TRPM3: variants seen among roughly 807,000 people sequenced by gnomAD.
TRPM3 encodes the protein long transient receptor potential channel 3.
TRPM3 carries 77 observed loss-of-function variants against 181.2 expected under a neutral mutation model. The observed-to-expected ratio is 0.42, with a 90% CI of 0.35 to 0.51. The LOEUF (loss-of-function observed/expected upper bound fraction) is 0.51, where lower values mean the gene tolerates loss of function less well. TRPM3 is among the 20% of genes least tolerant of loss of function. TRPM3 has a pLI of 0.01. For missense variants in TRPM3, 1,759 were observed against 2,196.7 expected (o/e 0.80, Z 3.98); for synonymous variants, 745 against 796.4 (o/e 0.94, Z 1.09).
chr9:71,259,797 C>T (rs538007264), intron 1 of TRPM3, among the ~76,000 whole-genome samples: 2 of 151,882 alleles, frequency 1.3e-5, no homozygotes, highest in Admixed American at 1.3e-4. Flanking sequence ...TAGCCCTTTG[C>T]CAGAAGGTTT....
At chr9:71,184,278 C>T (rs564405435) in intron 1 of TRPM3, among the ~76,000 whole-genome samples, 93 of 152,074 alleles carry the variant, frequency 6.1e-4, no homozygotes, top group Admixed American at 6.6e-4. Flanking sequence ...TGTCAGGGTC[C>T]AGCATGGGGG....
chr9:70,939,056 C>T (rs2096859319), intron 1 of TRPM3, among the ~76,000 whole-genome samples: 1 of 152,048 alleles, frequency 6.6e-6, no homozygotes, highest in African/African-American at 2.4e-5. Context: ...CAAGGGATAC[C>T]TTGCTAAATA....
intron 3 of TRPM3, among the ~76,000 whole-genome samples, chr9:70,858,235 C>A (rs75783588): frequency 0.066 from 9,992 of 152,180 alleles, 440 homozygotes; most frequent in Middle Eastern, 0.13. Context: ...TTGTTAGAGG[C>A]AGGGGACCCA....
chr9:71,321,535 A>G (rs1335436558), intron 1 of TRPM3, among the ~76,000 whole-genome samples: 2 of 152,186 alleles, frequency 1.3e-5, no homozygotes, highest in African/African-American at 4.8e-5. Context: ...GAGACTTCCT[A>G]GTCCTAGAAT....
intron 1 of TRPM3, among the ~76,000 whole-genome samples, chr9:71,296,777 C>T (rs1183893027): frequency 1.3e-5 from 2 of 152,138 alleles, no homozygotes; most frequent in East Asian, 3.9e-4. Flanking sequence ...GGGGTTCACA[C>T]TGAGATGGTA....
chr9:70,916,796 A>C (rs1156455061), intron 1 of TRPM3, among the ~76,000 whole-genome samples: 1 of 152,252 alleles, frequency 6.6e-6, no homozygotes, highest in African/African-American at 2.4e-5. Flanking sequence ...GCTCAGCAAG[A>C]ATATAGAAAA....
At chr9:70,829,201 G>A (rs1170833464) in intron 5 of TRPM3, among the ~76,000 whole-genome samples, 2 of 152,096 alleles carry the variant, frequency 1.3e-5, no homozygotes, top group East Asian at 3.9e-4. Context: ...TTTTCAGTAT[G>A]TAATAACACA....
Position 70,692,075 on chromosome 9 carries a change from T to C in TRPM3, c.1273-10497A>G, listed in dbSNP as rs374159776. On this transcript the variant is annotated intron_variant, in intron 8 of 25. Transcript: ENST00000677713. ...GACACGCTTGCGGGGCTTTCTTTTT[T>C]CCCCCCTGCCATAGGCAGAGTTTGT... Among the ~76,000 whole-genome samples, 29 of 152,218 alleles carry C rather than the reference T, an allele frequency of 1.9e-4. No individual in the cohort carries two copies. The East Asian group carries it at 4.4e-3, about 23-fold the overall frequency.
At chr9:71,381,569 G>C (rs2092801117) in intron 1 of TRPM3, among the ~76,000 whole-genome samples, 1 of 152,120 alleles carries the variant, frequency 6.6e-6, no homozygotes, top group Non-Finnish European at 1.5e-5. Context: ...ATTATTTCTA[G>C]CTACCATGTG....
At chr9:71,036,170 T>C (rs2058180112) in intron 1 of TRPM3, among the ~76,000 whole-genome samples, 2 of 152,262 alleles carry the variant, frequency 1.3e-5, no homozygotes, top group Non-Finnish European at 2.9e-5. Flanking sequence ...AGTATGGGCA[T>C]TAATTTATTA....
intron 1 of TRPM3, among the ~76,000 whole-genome samples, chr9:71,236,177 G>A (rs2081340257): frequency 6.6e-6 from 1 of 152,126 alleles, no homozygotes; most frequent in Admixed American, 6.5e-5. Context: ...GTGTGTTGTG[G>A]AAATGCCTTT....
chr9:71,214,137 G>A (rs1032505184), intron 1 of TRPM3, among the ~76,000 whole-genome samples: 1 of 152,048 alleles, frequency 6.6e-6, no homozygotes, highest in African/African-American at 2.4e-5. Context: ...GGAGAAAAAT[G>A]CCTCCAACTC....
intron 1 of TRPM3, among the ~76,000 whole-genome samples, chr9:71,044,471 A>G (rs983275003): frequency 2.6e-5 from 4 of 152,214 alleles, no homozygotes; most frequent in African/African-American, 9.6e-5. Context: ...TTCAGCTTCC[A>G]GTCGTCTTTC....
chr9:71,269,709 G>A (rs1340263682), intron 1 of TRPM3, among the ~76,000 whole-genome samples: 1 of 152,198 alleles, frequency 6.6e-6, no homozygotes, highest in Non-Finnish European at 1.5e-5. Flanking sequence ...ACCTCAGCAG[G>A]AATGTAACTT....
chr9:71,380,025 G>A (rs970966471), intron 1 of TRPM3, among the ~76,000 whole-genome samples: 8 of 152,024 alleles, frequency 5.3e-5, no homozygotes, highest in African/African-American at 1.9e-4. Flanking sequence ...AGCAGGGGGA[G>A]GCAAGGCAGA....
intron 3 of TRPM3, among the ~76,000 whole-genome samples, chr9:70,854,521 C>T (rs1223185633): frequency 6.6e-6 from 1 of 152,140 alleles, no homozygotes; most frequent in Admixed American, 6.5e-5. Context: ...AGTAACTTGC[C>T]TTTAGCTCTT....
At chr9:70,885,437 A>G (rs1026518394) in intron 1 of TRPM3, among the ~76,000 whole-genome samples, 2 of 152,176 alleles carry the variant, frequency 1.3e-5, no homozygotes, top group Non-Finnish European at 2.9e-5. Flanking sequence ...GGGAAGAATG[A>G]GTTAGTCTCT....
At chr9:70,833,241 G>A (rs907567685) in intron 5 of TRPM3, among the ~76,000 whole-genome samples, 12 of 152,260 alleles carry the variant, frequency 7.9e-5, no homozygotes, top group Non-Finnish European at 1.3e-4. Flanking sequence ...CAATGCGAGG[G>A]CAGTTTGATG....
Position 70,697,519 on chromosome 9 carries a change from A to T in TRPM3, c.1273-15941T>A, listed in dbSNP as rs140321898. On this transcript the variant is annotated intron_variant, in intron 8 of 25. Transcript: ENST00000677713. ...TTATTATGCCCATTGCACAAGTCAT[A>T]GTTGCTAACTACTCCAGGGTCAAAA... 3.3e-5 allele frequency among the ~76,000 whole-genome samples: 5 copies of T among 152,308 alleles called. No homozygotes were observed. In the East Asian group the frequency reaches 9.7e-4, roughly 29 times the overall value.
Sources: gnomAD v4.1 joint callset for allele counts (sites outside exome capture counted in the v4.1 genomes callset) on GRCh38, gnomAD v4.1.1 for gene constraint, MANE v1.5 for transcripts, NCBI Gene and HGNC (gene_info 2026-07-23, HGNC 2026-07-21) for gene names.